MCHR2: variants seen among roughly 807,000 people sequenced by gnomAD.
MCHR2 encodes the protein melanin concentrating hormone receptor 2, also known as melanin-concentrating hormone receptor 2.
A neutral mutation model predicts 24.8 loss-of-function variants in MCHR2; 15 were observed. That is an observed-to-expected ratio of 0.60 (90% confidence interval 0.40 to 0.93). MCHR2 has a LOEUF of 0.93. Among genes scored for constraint, MCHR2 ranks in the 40% least tolerant of loss-of-function variants. MCHR2 has a pLI of 0.00. For missense variants in MCHR2, 386 were observed against 408.7 expected (o/e 0.94, Z 0.48); for synonymous variants, 151 against 147.6 (o/e 1.02, Z -0.17).
At chr6:99,985,734 C>G (rs1000131398) in intron 1 of MCHR2, among the ~76,000 whole-genome samples, 1 of 152,010 alleles carries the variant, frequency 6.6e-6, no homozygotes, top group Non-Finnish European at 1.5e-5. Flanking sequence ...AGAAGAAAAC[C>G]TAGGCAAAAC....
intron 4 of MCHR2, among the ~76,000 whole-genome samples, chr6:99,935,371 T>C (rs1180666697): frequency 6.6e-6 from 1 of 151,978 alleles, no homozygotes; most frequent in Non-Finnish European, 1.5e-5. Context: ...ACCCACTTCC[T>C]CTACCTTTCC....
chr6:99,986,260 C>T (rs191630872), intron 1 of MCHR2, among the ~76,000 whole-genome samples: 12 of 152,092 alleles, frequency 7.9e-5, no homozygotes, highest in African/African-American at 2.2e-4. Flanking sequence ...GAAAACAGTA[C>T]GAAGATTTCT....
intron 1 of MCHR2, among the ~76,000 whole-genome samples, chr6:99,993,016 G>T (rs891602666): frequency 1.3e-5 from 2 of 151,896 alleles, no homozygotes; most frequent in Non-Finnish European, 2.9e-5. Flanking sequence ...AAAACAGATT[G>T]CCTCCCCATT....
intron 3 of MCHR2, among the ~76,000 whole-genome samples, chr6:99,943,605 G>T (rs561251617): frequency 2.6e-5 from 4 of 151,762 alleles, no homozygotes; most frequent in South Asian, 4.2e-4. Context: ...TTGTCCTTGC[G>T]ATAGTTTACT....
At chr6:99,927,772 T>G (rs1240232789) in intron 5 of MCHR2, among the ~76,000 whole-genome samples, 1 of 152,178 alleles carries the variant, frequency 6.6e-6, no homozygotes, top group African/African-American at 2.4e-5. Flanking sequence ...TACAATCATG[T>G]CATCTGCAAA....
intron 4 of MCHR2, among the ~76,000 whole-genome samples, chr6:99,935,447 T>G (rs1297441995): frequency 6.6e-6 from 1 of 152,002 alleles, no homozygotes; most frequent in Non-Finnish European, 1.5e-5. Context: ...CACATATAAG[T>G]GAGAAGATGT....
intron 5 of MCHR2, among the ~76,000 whole-genome samples, chr6:99,921,492 T>C (rs888744974): frequency 1.3e-5 from 2 of 152,216 alleles, no homozygotes; most frequent in African/African-American, 4.8e-5. Context: ...TTAAATTTTT[T>C]GTGGGTACAT....
At chr6:99,991,037 T>A (rs1258324514) in intron 1 of MCHR2, among the ~76,000 whole-genome samples, 3 of 151,116 alleles carry the variant, frequency 2.0e-5, no homozygotes, top group African/African-American at 7.3e-5. Flanking sequence ...AAGCATGTGG[T>A]GAAAGGGTGG....
chr6:99,993,282 C>A (rs1251596152), intron 1 of MCHR2, among the ~76,000 whole-genome samples: 4 of 152,204 alleles, frequency 2.6e-5, no homozygotes, highest in Non-Finnish European at 5.9e-5. Flanking sequence ...TGCCTACTTT[C>A]CCCAGTTCTC....
chr6:99,961,182 C>G (rs1451164418), intron 1 of MCHR2, among the ~76,000 whole-genome samples: 1 of 150,486 alleles, frequency 6.6e-6, no homozygotes, highest in Non-Finnish European at 1.5e-5. Flanking sequence ...AGACACTTCT[C>G]AAAAGAAGAA....
intron 2 of MCHR2, among the ~76,000 whole-genome samples, chr6:99,952,973 A>C (rs540041094): frequency 6.6e-6 from 1 of 152,254 alleles, no homozygotes; most frequent in Non-Finnish European, 1.5e-5. Flanking sequence ...TTGCAAACCA[A>C]TTGGTCCGTA....
chr6:99,962,582 C>T lies in MCHR2; in HGVS notation c.-27-6408G>A, dbSNP rs1041934552. Among the ~76,000 whole-genome samples the T allele has an allele frequency of 6.6e-5, 10 of 152,164 alleles. 1 individual carries two copies. The East Asian group carries it at 1.7e-3, about 26-fold the overall frequency. ...GAAATTGGACCCTTATCTTGCACTA[C>T]ACACAAAAATTAACTCAAAATAGGT... On this transcript the variant is annotated intron_variant, in intron 1 of 5. Coordinates refer to ENST00000281806, the MANE Select transcript of MCHR2 (RefSeq NM_001040179.2).
chr6:99,965,621 T>C (rs1256484529), intron 1 of MCHR2, among the ~76,000 whole-genome samples: 1 of 152,178 alleles, frequency 6.6e-6, no homozygotes, highest in African/African-American at 2.4e-5. Flanking sequence ...ATCTAGTGTT[T>C]TGTAATTACA....
intron 1 of MCHR2, among the ~76,000 whole-genome samples, chr6:99,968,520 C>G (rs1439530288): frequency 6.6e-6 from 1 of 152,218 alleles, no homozygotes; most frequent in South Asian, 2.1e-4. Flanking sequence ...AGAAGCTAGA[C>G]AGAAAAGACT....
At chr6:99,942,077 C>G (rs542859261) in intron 4 of MCHR2, among the ~76,000 whole-genome samples, 84 of 152,242 alleles carry the variant, frequency 5.5e-4, no homozygotes, top group Non-Finnish European at 1.0e-3. Context: ...GTTCAAATTT[C>G]AAATTGAAGA....
At chr6:99,943,773 A>T (rs1284532749) in intron 3 of MCHR2, among the ~76,000 whole-genome samples, 1 of 152,206 alleles carries the variant, frequency 6.6e-6, no homozygotes, top group Non-Finnish European at 1.5e-5. Context: ...GAATACATTG[A>T]TAATGGTAAA....
chr6:99,953,999 C>T lies in MCHR2; in HGVS notation c.182+1967G>A, dbSNP rs151043777. ...GATGAGACGCCACCTGGGGAAGTGA[C>T]AAGTTACGAGCCTTCTCGGGGTGAC... On this transcript the variant is annotated intron_variant, in intron 2 of 5. Transcript: ENST00000281806. Among the ~76,000 whole-genome samples, 293 of 152,170 alleles carry T rather than the reference C, an allele frequency of 1.9e-3. 2 individuals carry two copies. The highest frequency in any genetic ancestry group is 6.8e-3 in the African/African-American group (284 of 41,554).
chr6:99,987,028 T>A (rs928318243), intron 1 of MCHR2, among the ~76,000 whole-genome samples: 3 of 152,062 alleles, frequency 2.0e-5, no homozygotes, highest in African/African-American at 7.2e-5. Flanking sequence ...ATATTTTTAG[T>A]TTTAGCTTTG....
rs568952685 is a variant in MCHR2 at position 99,928,241 on chromosome 6, GTATTT to G, written c.707+6152_707+6156del. ...ATGCGCTGCTGAATTCAGTTTGCTG[GTATTT>G]TATTGAGGATTTTTGCATCAATGTT... On this transcript the variant is annotated intron_variant, in intron 5 of 5. Transcript: ENST00000281806. Among the ~76,000 whole-genome samples the G allele has an allele frequency of 2.6e-3, 393 of 152,268 alleles. 2 individuals are homozygous for G. Among genetic ancestry groups the G allele is most frequent in the Non-Finnish European group, 1.6e-3 (109 of 68,032 alleles).
Sources: gnomAD v4.1 joint callset for allele counts (sites outside exome capture counted in the v4.1 genomes callset) on GRCh38, gnomAD v4.1.1 for gene constraint, MANE v1.5 for transcripts, NCBI Gene and HGNC (gene_info 2026-07-23, HGNC 2026-07-21) for gene names.